The following PELI2 variants were observed in gnomAD, a reference collection of about 807,000 sequenced individuals.
The protein encoded by PELI2 is E3 ubiquitin-protein ligase pellino homolog 2.
PELI2 carries 23 observed loss-of-function variants against 42.3 expected under a neutral mutation model. That is an observed-to-expected ratio of 0.54 (90% CI 0.39 to 0.77). The LOEUF is 0.77. PELI2 is among the 30% of genes least tolerant of loss of function. The pLI is 0.00. For synonymous variants in PELI2, 245 were observed against 212.2 expected (o/e 1.15, Z -1.34); for missense variants, 463 against 553.2 (o/e 0.84, Z 1.64).
intron 1 of PELI2, among the ~76,000 whole-genome samples, chr14:56,121,670 G>A (rs1223091746): frequency 6.6e-6 from 1 of 152,160 alleles, no homozygotes; most frequent in East Asian, 1.9e-4. Flanking sequence ...ATTTACAGGT[G>A]GGTGACCTGA....
Position 56,257,990 on chromosome 14 carries a change from G to A in PELI2, c.208-21686G>A, listed in dbSNP as rs114971577. On this transcript the variant is annotated intron_variant, in intron 2 of 5. Transcript: ENST00000267460. Reference sequence around the variant, plus strand: ...GTTTTGTTTGTGTGCATGGTGAAGCGCCACAGAATGGGGAAAGAACTACTG... The same window carrying A: ...GTTTTGTTTGTGTGCATGGTGAAGCACCACAGAATGGGGAAAGAACTACTG... 3.4e-3 allele frequency among the ~76,000 whole-genome samples: 518 copies of A among 152,284 alleles called. 2 individuals are homozygous for A. Among genetic ancestry groups the A allele is most frequent in the African/African-American group, 9.4e-3 (389 of 41,556 alleles).
At chr14:56,141,546 A>G (rs138293794) in intron 1 of PELI2, among the ~76,000 whole-genome samples, 1 of 152,324 alleles carries the variant, frequency 6.6e-6, no homozygotes, top group East Asian at 1.9e-4. Flanking sequence ...AGACTGTGTA[A>G]TTTATAAAGA....
intron 1 of PELI2, among the ~76,000 whole-genome samples, chr14:56,127,603 T>A (rs937331275): frequency 4.6e-5 from 7 of 152,212 alleles, no homozygotes; most frequent in Non-Finnish European, 7.3e-5. Context: ...GAGACAAAAT[T>A]TGATAGCAGC....
chr14:56,124,484 C>G (rs530346738), intron 1 of PELI2, among the ~76,000 whole-genome samples: 2 of 152,356 alleles, frequency 1.3e-5, no homozygotes, highest in South Asian at 4.1e-4. Context: ...AAGGCAGACA[C>G]ATTCCTTTTC....
intron 2 of PELI2, among the ~76,000 whole-genome samples, chr14:56,261,940 T>A (rs1888727826): frequency 6.6e-6 from 1 of 152,192 alleles, no homozygotes; most frequent in Non-Finnish European, 1.5e-5. Context: ...TGACTTTCTG[T>A]CCCCCATAAA....
chr14:56,295,347 C>G lies in PELI2; in HGVS notation c.697-1253C>G, dbSNP rs368098979. On this transcript the variant is annotated intron_variant, in intron 5 of 5. Transcript: ENST00000267460. ...CCCTCTCCCGCCTGGGTCTCTCGTC[C>G]CCCCCCACCCAGTGCCCTGAACTGC... Among the ~76,000 whole-genome samples, 8 of 151,888 alleles carry G rather than the reference C, an allele frequency of 5.3e-5. 1 individual carries two copies. The South Asian group carries it at 1.7e-3, about 32-fold the overall frequency.
intron 2 of PELI2, among the ~76,000 whole-genome samples, chr14:56,196,929 G>GT (rs1229817665): frequency 6.6e-6 from 1 of 152,062 alleles, no homozygotes; most frequent in Non-Finnish European, 1.5e-5. Flanking sequence ...AGCTTTATAA[G>GT]TTTCTTGTTT....
At chr14:56,294,312 G>A (rs1239937912) in intron 5 of PELI2, among the ~76,000 whole-genome samples, 2 of 152,166 alleles carry the variant, frequency 1.3e-5, no homozygotes. Context: ...CTAGGCAGAG[G>A]TTGCTCTTGC....
At chr14:56,261,818 T>G (rs1183318493) in intron 2 of PELI2, among the ~76,000 whole-genome samples, 2 of 152,366 alleles carry the variant, frequency 1.3e-5, no homozygotes, top group Non-Finnish European at 2.9e-5. Flanking sequence ...CTTATAAATC[T>G]GTTGTGAGTT....
chr14:56,148,896 G>C (rs1884233412), intron 1 of PELI2, among the ~76,000 whole-genome samples: 1 of 152,156 alleles, frequency 6.6e-6, no homozygotes, highest in African/African-American at 2.4e-5. Flanking sequence ...GGGAAAATGG[G>C]GGATGGGAGC....
intron 2 of PELI2, among the ~76,000 whole-genome samples, chr14:56,204,945 C>T (rs1163609645): frequency 6.7e-6 from 1 of 148,894 alleles, no homozygotes; most frequent in Non-Finnish European, 1.5e-5. Context: ...GCAGGAGAAT[C>T]GATTGACATG....
At chr14:56,275,692 C>G (rs1024385078) in intron 2 of PELI2, among the ~76,000 whole-genome samples, 1 of 152,164 alleles carries the variant, frequency 6.6e-6, no homozygotes, top group Non-Finnish European at 1.5e-5. Context: ...GATGAAACTT[C>G]GCTTGCTCGT....
chr14:56,188,820 T>C (rs564128052), intron 2 of PELI2, among the ~76,000 whole-genome samples: 9 of 152,300 alleles, frequency 5.9e-5, no homozygotes, highest in Admixed American at 2.6e-4. Context: ...ATCTGTAGGC[T>C]CTTGGGCAAA....
intron 1 of PELI2, among the ~76,000 whole-genome samples, chr14:56,166,908 C>T (rs906786714): frequency 6.6e-6 from 1 of 152,206 alleles, no homozygotes; most frequent in African/African-American, 2.4e-5. Context: ...CTGCCTCAGC[C>T]TCCTGAGTAG....
chr14:56,191,950 G>A (rs996733475), intron 2 of PELI2, among the ~76,000 whole-genome samples: 4 of 152,086 alleles, frequency 2.6e-5, no homozygotes, highest in African/African-American at 9.7e-5. Context: ...TGTCACCCAG[G>A]GTCAAGTGAT....
chr14:56,203,230 C>T (rs926062546), intron 2 of PELI2, among the ~76,000 whole-genome samples: 15 of 152,176 alleles, frequency 9.9e-5, no homozygotes, highest in African/African-American at 3.1e-4. Flanking sequence ...ATCCCAGCTA[C>T]TCGGGAGGCT....
At chr14:56,211,553 A>G (rs1270098988) in intron 2 of PELI2, among the ~76,000 whole-genome samples, 1 of 152,226 alleles carries the variant, frequency 6.6e-6, no homozygotes, top group Non-Finnish European at 1.5e-5. Context: ...GAGAATGTGA[A>G]TGATGCCTGT....
In PELI2 at chr14:56,155,707, G is replaced by C. The variant is rs548612673; in HGVS notation, c.78-22628G>C. Among the ~76,000 whole-genome samples, 7 of 151,516 alleles carry C rather than the reference G, an allele frequency of 4.6e-5. No individual in the cohort carries two copies. In the South Asian group the frequency reaches 1.5e-3, roughly 32 times the overall value. ...CCCCATTCTCCTGCCTCAGCTTCCT[G>C]AGTAGCTGGCACTACAGGCGCTCGC... is the stretch of plus-strand genomic sequence containing the variant. On this transcript the variant is annotated intron_variant, in intron 1 of 5. Coordinates refer to ENST00000267460, the MANE Select transcript of PELI2 (RefSeq NM_021255.3).
At chr14:56,137,467 G>C (rs960172462) in intron 1 of PELI2, among the ~76,000 whole-genome samples, 2 of 152,108 alleles carry the variant, frequency 1.3e-5, no homozygotes, top group Non-Finnish European at 2.9e-5. Context: ...TTCCCTTGAC[G>C]GTACTCTGAC....
Sources: allele counts gnomAD v4.1 joint callset (sites outside exome capture counted in the v4.1 genomes callset), GRCh38; gene constraint gnomAD v4.1.1; transcripts MANE v1.5; gene names NCBI Gene and HGNC (gene_info 2026-07-23, HGNC 2026-07-21).